The following MT1B variants were observed in gnomAD, a reference collection of about 807,000 sequenced individuals.
The protein encoded by MT1B is metallothionein-1B.
A neutral mutation model predicts 7.9 loss-of-function variants in MT1B; 4 were observed. The ratio of observed to expected loss-of-function variants is 0.51; its 90% CI spans 0.25 to 1.16. MT1B has a LOEUF of 1.16. Ranked by LOEUF, MT1B falls within the 50% of genes most tolerant of loss-of-function variation. The probability of loss-of-function intolerance (pLI) is 0.15; values close to 1 mark genes in which losing one functional copy is unlikely to be tolerated. For missense variants in MT1B, 76 were observed against 75.2 expected (o/e 1.01, Z -0.04); for synonymous variants, 22 against 27.6 (o/e 0.80, Z 0.63).
intron 1 of MT1B, among the ~76,000 whole-genome samples, chr16:56,652,288 A>T (rs1003195071): frequency 6.6e-6 from 1 of 152,342 alleles, no homozygotes; most frequent in Non-Finnish European, 1.5e-5. Flanking sequence ...GGTGGGGGAC[A>T]TAGCCTCTTC....
At position 56,651,986 on chromosome 16, in the gene MT1B, G is replaced by C. The variant is rs777112948; in HGVS notation, c.28+5G>C. On this transcript the variant is annotated splice_donor_5th_base_variant and intron_variant, in intron 1 of 2. Coordinates refer to ENST00000334346, the MANE Select transcript of MT1B (RefSeq NM_005947.3). ...CCAACTGCTCCTGCACCACAGGTAA[G>C]GGACGCCTGGCTCTGGGCCTTGAGA... 2 of 1,614,140 alleles carry C rather than the reference G, an allele frequency of 1.2e-6. No individual in the cohort carries two copies. Among genetic ancestry groups the C allele is most frequent in the African/African-American group, 2.7e-5 (2 of 74,950 alleles).
chr16:56,652,770 G>A, intron 2 of MT1B, 134 bp downstream of exon 2: 2 of 1,276,054 alleles, frequency 1.6e-6, no homozygotes, highest in South Asian at 1.2e-5. Flanking sequence ...CCCTCTCCAG[G>A]CTTTCTGCTC....
rs573401876 is a variant in MT1B at position 56,652,948 on chromosome 16, C to T, written c.95-26C>T. On this transcript the variant is annotated intron_variant, in intron 2 of 2. Coordinates refer to ENST00000334346, the MANE Select transcript of MT1B (RefSeq NM_005947.3). ...AGGTTCCTGGTCAAGTCAGCTGTGACCTCTCACTCTCCCCTTCTTCCCCAG... is the reference window on the plus strand; with the variant it reads ...AGGTTCCTGGTCAAGTCAGCTGTGATCTCTCACTCTCCCCTTCTTCCCCAG... 5.9e-5 allele frequency: 95 copies of T among 1,610,472 alleles called. 2 individuals carry two copies. The South Asian group carries it at 9.8e-4, about 17-fold the overall frequency.
intron 2 of MT1B, 102 bp downstream of exon 2, chr16:56,652,738 T>C: frequency 2.8e-6 from 4 of 1,442,032 alleles, no homozygotes; most frequent in Middle Eastern, 3.7e-4. Context: ...GGTCTTCCTT[T>C]GCCCCTGTTG....
intron 1 of MT1B, 90 bp from the exon 2 acceptor site, chr16:56,652,481 A>C (rs2144332862): frequency 7.9e-7 from 1 of 1,258,994 alleles, no homozygotes; most frequent in Admixed American, 1.7e-5. Flanking sequence ...CTGGCCCTGC[A>C]CAGAGGATGG....
intron 1 of MT1B, among the ~76,000 whole-genome samples, chr16:56,652,255 C>G (rs773025205): frequency 3.3e-5 from 5 of 152,206 alleles, no homozygotes; most frequent in South Asian, 2.1e-4. Flanking sequence ...TGCTCTAACT[C>G]TGAGCAGCCG....
Position 56,653,104 on chromosome 16 carries a change from C to A in MT1B, c.*39C>A, listed in dbSNP as rs776753472. 6.3e-7 allele frequency: 1 copy of A among 1,594,594 alleles called. No individual in the cohort carries two copies. The highest frequency in any genetic ancestry group is 1.1e-5 in the South Asian group (1 of 88,002). Reference sequence around the variant, plus strand: ...CTGCTCCCAGACATAAATAGAGCAACCAGTACTAACCTGGATTTTTTTTTT... The same window carrying A: ...CTGCTCCCAGACATAAATAGAGCAAACAGTACTAACCTGGATTTTTTTTTT... On this transcript the variant is annotated 3_prime_UTR_variant, in exon 3 of 3. Transcript: ENST00000334346.
intron 2 of MT1B, among the ~76,000 whole-genome samples, 168 bp from the exon 3 acceptor site, chr16:56,652,806 T>C (rs1326543821): frequency 6.6e-6 from 1 of 152,154 alleles, no homozygotes; most frequent in African/African-American, 2.4e-5. Context: ...CAGGGCAGAC[T>C]TTTTCTATTG....
chr16:56,652,898 A>T (rs1960572940), intron 2 of MT1B, 76 bp from the exon 3 acceptor site: 1 of 1,519,328 alleles, frequency 6.6e-7, no homozygotes, highest in Non-Finnish European at 9.1e-7. Flanking sequence ...GCTGAACTTC[A>T]GCCAGGCTTG....
chr16:56,652,535 TACTC>T (rs779321603), intron 1 of MT1B, 32 bp from the exon 2 acceptor site: 26 of 1,603,802 alleles, frequency 1.6e-5, no homozygotes, highest in Non-Finnish European at 2.2e-5. Context: ...TTCTGCATCT[TACTC>T]ACTGCCCACT....
intron 2 of MT1B, 136 bp from the exon 3 acceptor site, chr16:56,652,838 C>A: frequency 1.7e-6 from 2 of 1,182,234 alleles, no homozygotes; most frequent in Non-Finnish European, 2.5e-6. Flanking sequence ...TCAAATGTAC[C>A]ATCAGAACAC....
chr16:56,652,045 G>A, intron 1 of MT1B, 64 bp downstream of exon 1: 2 of 1,598,564 alleles, frequency 1.3e-6, no homozygotes, highest in Middle Eastern at 1.7e-4. Flanking sequence ...CAGTGTCCCT[G>A]GGTTAGAGAA....
At position 56,653,135 on chromosome 16, in the gene MT1B, A is replaced by G. The variant is rs1307238064; in HGVS notation, c.*70A>G. 8.5e-6 allele frequency: 12 copies of G among 1,419,478 alleles called. No homozygotes were observed. The highest frequency in any genetic ancestry group is 1.9e-5 in the Admixed American group (1 of 53,944). 87.9% of individuals were successfully genotyped at this position (1,419,478 alleles called of 1,614,324 possible). ...CTAACCTGGATTTTTTTTTTTAACTACCCTGACCGGTTTGCTACATTCTTT... is the reference window on the plus strand; with the variant it reads ...CTAACCTGGATTTTTTTTTTTAACTGCCCTGACCGGTTTGCTACATTCTTT... On this transcript the variant is annotated 3_prime_UTR_variant, in exon 3 of 3. Coordinates refer to ENST00000334346, the MANE Select transcript of MT1B (RefSeq NM_005947.3).
chr16:56,652,056 G>C (rs1960560839), intron 1 of MT1B, 75 bp downstream of exon 1: 1 of 1,579,184 alleles, frequency 6.3e-7, no homozygotes. Context: ...GGTTAGAGAA[G>C]GTTGCATTAT....
chr16:56,652,250 T>C (rs987461754), intron 1 of MT1B, among the ~76,000 whole-genome samples: 8 of 152,226 alleles, frequency 5.3e-5, no homozygotes, highest in African/African-American at 1.7e-4. Context: ...TGCTCTGCTC[T>C]AACTCTGAGC....
chr16:56,652,857 C>T (rs1323330308), intron 2 of MT1B, 117 bp from the exon 3 acceptor site: 2 of 1,289,672 alleles, frequency 1.6e-6, no homozygotes, highest in African/African-American at 2.9e-5. Flanking sequence ...ACAGCTGTGC[C>T]AGCCTAAAAA....
chr16:56,652,125 T>A, intron 1 of MT1B, 144 bp downstream of exon 1: 1 of 935,514 alleles, frequency 1.1e-6, no homozygotes, highest in Non-Finnish European at 1.7e-6. Flanking sequence ...TTGCCCAAGC[T>A]CCTGTGAGCA....
intron 1 of MT1B, 101 bp from the exon 2 acceptor site, chr16:56,652,470 G>C (rs2144332853): frequency 8.8e-7 from 1 of 1,137,084 alleles, no homozygotes; most frequent in East Asian, 2.4e-5. Flanking sequence ...AGCTCTGATG[G>C]CTGGCCCTGC....
Position 56,651,987 on chromosome 16 carries a change from G to C in MT1B, c.28+6G>C. On this transcript the variant is annotated splice_donor_region_variant and intron_variant, in intron 1 of 2. Transcript: ENST00000334346. Reference sequence around the variant, plus strand: ...CAACTGCTCCTGCACCACAGGTAAGGGACGCCTGGCTCTGGGCCTTGAGAT... The same window carrying C: ...CAACTGCTCCTGCACCACAGGTAAGCGACGCCTGGCTCTGGGCCTTGAGAT... The C allele has an allele frequency of 6.2e-7, 1 of 1,614,256 alleles. No homozygotes were observed. Among genetic ancestry groups the C allele is most frequent in the Non-Finnish European group, 8.5e-7 (1 of 1,180,046 alleles).
Sources: gnomAD v4.1 joint callset for allele counts (sites outside exome capture counted in the v4.1 genomes callset) on GRCh38, gnomAD v4.1.1 for gene constraint, MANE v1.5 for transcripts, NCBI Gene and HGNC (gene_info 2026-07-23, HGNC 2026-07-21) for gene names.